The following CEBPZ variants were observed in gnomAD, a reference collection of about 807,000 sequenced individuals.
CEBPZ encodes the protein CCAAT/enhancer-binding protein zeta.
Under a neutral mutation model 104.5 loss-of-function variants are expected in CEBPZ, and 78 were observed. That is an observed-to-expected ratio of 0.75 (90% CI 0.62 to 0.90). The LOEUF (loss-of-function observed/expected upper bound fraction) is 0.90. Among genes scored for constraint, CEBPZ ranks in the 40% least tolerant of loss-of-function variants. CEBPZ has a pLI of 0.00. For missense variants in CEBPZ, 1,439 were observed against 1,233.5 expected (o/e 1.17, Z -2.50); for synonymous variants, 470 against 427.0 (o/e 1.10, Z -1.24).
In CEBPZ at chr2:37,202,859, G is replaced by A. The variant is rs1475350990; in HGVS notation, c.2950C>T (p.His984Tyr). Residue 984 changes from histidine (H) to tyrosine (Y), a missense_variant, in exon 15 of 16, where the codon CAT becomes TAT. Coordinates refer to ENST00000234170, the MANE Select transcript of CEBPZ (RefSeq NM_005760.3). ...GATCCCATATTTTCATCCAATAGAT[G>A]GCCAAACTTTTAAACAAAAACGATA... ...SLFVSAEEFG[H>Y]LLDENMGSKF... The A allele has an allele frequency of 1.8e-5, 29 of 1,599,504 alleles. No homozygotes were observed. The highest frequency in any genetic ancestry group is 2.7e-5 in the African/African-American group (2 of 74,230).
At chr2:37,217,888 C>G (rs1236222134) in intron 5 of CEBPZ, among the ~76,000 whole-genome samples, 1 of 130,330 alleles carries the variant, frequency 7.7e-6, no homozygotes, top group Non-Finnish European at 1.6e-5. Flanking sequence ...GGCAACAGAG[C>G]AAGACTCTGT....
chr2:37,214,481 T>C (rs1202573617), intron 9 of CEBPZ, among the ~76,000 whole-genome samples: 1 of 152,082 alleles, frequency 6.6e-6, no homozygotes, highest in Non-Finnish European at 1.5e-5. Flanking sequence ...TATTAAAATC[T>C]ATATTAAAGG....
intron 12 of CEBPZ, 118 bp from the exon 13 acceptor site, chr2:37,211,200 G>A: frequency 1.7e-6 from 1 of 583,870 alleles, no homozygotes; most frequent in Non-Finnish European, 2.9e-6. Context: ...GCTATTCCAT[G>A]TGGGTTTTGT....
At chr2:37,218,720 A>G (rs1421969140) in intron 5 of CEBPZ, among the ~76,000 whole-genome samples, 1 of 152,178 alleles carries the variant, frequency 6.6e-6, no homozygotes, top group Non-Finnish European at 1.5e-5. Flanking sequence ...CCTGGACAAC[A>G]TGGCAAAACA....
At chr2:37,220,538 AG>A (rs1220613977) in intron 4 of CEBPZ, 65 bp from the exon 5 acceptor site, 1 of 772,130 alleles carries the variant, frequency 1.3e-6, no homozygotes, top group East Asian at 2.9e-5. Flanking sequence ...GGTCATTAAA[AG>A]CACCACCATT....
At chr2:37,206,143 T>C (rs1446202801) in intron 13 of CEBPZ, among the ~76,000 whole-genome samples, 2 of 152,226 alleles carry the variant, frequency 1.3e-5, no homozygotes, top group African/African-American at 4.8e-5. Context: ...CATGTTGATC[T>C]GCTGTGCTGA....
intron 5 of CEBPZ, among the ~76,000 whole-genome samples, chr2:37,218,882 T>C (rs1664700818): frequency 1.3e-5 from 2 of 152,124 alleles, no homozygotes; most frequent in Non-Finnish European, 2.9e-5. Context: ...AAAAAAGAAT[T>C]TGTAACATTG....
intron 2 of CEBPZ, among the ~76,000 whole-genome samples, chr2:37,224,194 T>C (rs1664830697): frequency 6.6e-6 from 1 of 152,234 alleles, no homozygotes; most frequent in Non-Finnish European, 1.5e-5. Context: ...TGAACCTATT[T>C]AGCTATTATG....
At chr2:37,223,099 C>G in intron 3 of CEBPZ, 71 bp downstream of exon 3, 1 of 1,286,164 alleles carries the variant, frequency 7.8e-7, no homozygotes, top group Non-Finnish European at 1.1e-6. Flanking sequence ...TCATTTGAAG[C>G]AAAGAAAAAC....
intron 5 of CEBPZ, among the ~76,000 whole-genome samples, chr2:37,217,915 A>AC (rs1203771270): frequency 1.5e-5 from 2 of 134,006 alleles, no homozygotes; most frequent in Admixed American, 7.4e-5. Context: ...AAAAAAAAAC[A>AC]AAAAACAAAA....
chr2:37,217,052 G>A lies in CEBPZ; in HGVS notation c.2155-15C>T. ...TGCACAGATAACTAAAAAGAAAAATGTGAATAATATCAATATTTCTAAGGT... is the reference window on the plus strand; with the variant it reads ...TGCACAGATAACTAAAAAGAAAAATATGAATAATATCAATATTTCTAAGGT... On this transcript the variant is annotated splice_polypyrimidine_tract_variant and intron_variant, in intron 5 of 15. Transcript: ENST00000234170. The A allele has an allele frequency of 1.3e-6, 2 of 1,599,648 alleles. No homozygotes were observed. Among genetic ancestry groups the A allele is most frequent in the Non-Finnish European group, 1.7e-6 (2 of 1,167,140 alleles).
At chr2:37,202,150 A>C in intron 15 of CEBPZ, 1 of 308,066 alleles carries the variant, frequency 3.2e-6, no homozygotes, top group South Asian at 1.3e-4. Flanking sequence ...CTCCCCAAGC[A>C]CTTTTACTGG....
At chr2:37,229,507 T>C (rs1664981148) in intron 1 of CEBPZ, among the ~76,000 whole-genome samples, 1 of 152,176 alleles carries the variant, frequency 6.6e-6, no homozygotes, top group Admixed American at 6.5e-5. Context: ...TTTTAATTTA[T>C]CAGATGAGCA....
At chr2:37,229,130 C>T (rs772116919) in intron 1 of CEBPZ, 94 bp from the exon 2 acceptor site, 340 of 1,138,854 alleles carry the variant, frequency 3.0e-4, no homozygotes, top group Middle Eastern at 3.0e-3. Flanking sequence ...AAAATAATTT[C>T]GGAACTGGAA....
chr2:37,212,220 A>C, intron 11 of CEBPZ, 115 bp downstream of exon 11: 1 of 1,078,358 alleles, frequency 9.3e-7, no homozygotes, highest in Non-Finnish European at 1.4e-6. Context: ...TCCACTTCCC[A>C]AACTTACTTG....
At position 37,205,273 on chromosome 2, in the gene CEBPZ, A is replaced by ACGCACACATCCAGATGGT. The variant is rs1178517872; in HGVS notation, c.2885-2283_2885-2266dup. On this transcript the variant is annotated intron_variant, in intron 13 of 15. Coordinates refer to ENST00000234170, the MANE Select transcript of CEBPZ (RefSeq NM_005760.3). ...AGCCATCATATCCCCTGTGACCTGC[A>ACGCACACATCCAGATGGT]CGCACACATCCAGATGGTCGGTTCC... Among the ~76,000 whole-genome samples the ACGCACACATCCAGATGGT allele has an allele frequency of 1.1e-4, 16 of 151,678 alleles. No individual in the cohort carries two copies. In the East Asian group the frequency reaches 3.1e-3, roughly 29 times the overall value.
At chr2:37,215,893 G>C (rs1677855013) in intron 8 of CEBPZ, among the ~76,000 whole-genome samples, 1 of 151,100 alleles carries the variant, frequency 6.6e-6, no homozygotes, top group Non-Finnish European at 1.5e-5. Flanking sequence ...AATGGGGAGG[G>C]GGTTCATCAT....
At position 37,228,098 on chromosome 2, in the gene CEBPZ, G is replaced by T. The variant is rs768621927; in HGVS notation, c.1095C>A (p.Ala365=). 3 of 1,614,152 alleles carry T rather than the reference G, an allele frequency of 1.9e-6. No homozygotes were observed. The highest frequency in any genetic ancestry group is 2.5e-6 in the Non-Finnish European group (3 of 1,180,034). ...HDTLVTTKTR[A]LTVAHELLCN... ...AAAGCAGCTCATGAGCCACGGTAAGGGCTCGAGTTTTAGTGGTTACTAATG... is the reference window on the plus strand; with the variant it reads ...AAAGCAGCTCATGAGCCACGGTAAGTGCTCGAGTTTTAGTGGTTACTAATG... The change falls in exon 2 of 16, where the codon GCC becomes GCA. Residue 365 remains alanine (A), a synonymous_variant. Transcript: ENST00000234170.
intron 2 of CEBPZ, 147 bp from the exon 3 acceptor site, chr2:37,223,548 A>T (rs1045605434): frequency 9.6e-5 from 65 of 674,294 alleles, no homozygotes; most frequent in Non-Finnish European, 2.0e-5. Flanking sequence ...CCTAAGAGGT[A>T]AGATGGAAGT....
Sources: allele counts gnomAD v4.1 joint callset (sites outside exome capture counted in the v4.1 genomes callset), GRCh38; gene constraint gnomAD v4.1.1; transcripts MANE v1.5; gene names NCBI Gene and HGNC (gene_info 2026-07-23, HGNC 2026-07-21).